Variants in MID1 observed in about 807,000 individuals in gnomAD.
MID1 encodes the protein E3 ubiquitin-protein ligase Midline-1.
MID1 carries 7 observed loss-of-function variants against 40.4 expected under a neutral mutation model. That is an observed-to-expected ratio of 0.17 (90% confidence interval 0.10 to 0.33). MID1 has a LOEUF of 0.33. Among genes scored for constraint, MID1 ranks in the 10% least tolerant of loss-of-function variants. The probability of loss-of-function intolerance (pLI) is 1.00; values close to 1 mark genes in which losing one functional copy is unlikely to be tolerated. For missense variants in MID1, 367 were observed against 558.5 expected (o/e 0.66, Z 3.46); for synonymous variants, 229 against 221.2 (o/e 1.04, Z -0.31).
At chrX:10,466,570 C>T (rs1929398970) in intron 7 of MID1, among the ~76,000 whole-genome samples, 1 of 111,621 alleles carries the variant, frequency 9.0e-6, no homozygotes, top group African/African-American at 3.3e-5. Flanking sequence ...TCTTTCCTCA[C>T]TTCTACCCAC....
At chrX:10,790,291 C>A (rs1005369306) in intron 1 of MID1, among the ~76,000 whole-genome samples, 20 of 109,745 alleles carry the variant, frequency 1.8e-4, no homozygotes, top group Admixed American at 8.8e-4. Context: ...ACTATGGGTC[C>A]CACCACGCCC....
At chrX:10,712,931 G>C (rs1222603440) in intron 1 of MID1, among the ~76,000 whole-genome samples, 1 of 111,498 alleles carries the variant, frequency 9.0e-6, no homozygotes, top group East Asian at 2.8e-4. Flanking sequence ...CTGCCTCCCA[G>C]GTTCAAGCGA....
intron 1 of MID1, among the ~76,000 whole-genome samples, chrX:10,720,784 A>G (rs2043346254): frequency 9.1e-6 from 1 of 110,487 alleles, no homozygotes; most frequent in Non-Finnish European, 1.9e-5. Flanking sequence ...AATAGCAAAG[A>G]CTTGGAACCA....
At chrX:10,454,685 GGTT>G (rs952169542) in intron 9 of MID1, among the ~76,000 whole-genome samples, 182 bp downstream of exon 9, 6 of 111,873 alleles carry the variant, frequency 5.4e-5, no homozygotes, top group African/African-American at 9.7e-5. Context: ...AGTAATATAT[GGTT>G]GTTGTTTGAA....
chrX:10,785,071 C>A (rs757254386), intron 1 of MID1, among the ~76,000 whole-genome samples: 5 of 111,198 alleles, frequency 4.5e-5, no homozygotes, highest in Middle Eastern at 4.6e-3. Context: ...AAAACCCCAT[C>A]GTCTCAGCCC....
chrX:10,660,278 T>G (rs1045169924), intron 1 of MID1, among the ~76,000 whole-genome samples: 6 of 112,777 alleles, frequency 5.3e-5, no homozygotes, highest in African/African-American at 1.9e-4. Flanking sequence ...CTGTGCCACA[T>G]TCTGAAACTG....
At chrX:10,780,747 G>A (rs971203681) in intron 1 of MID1, among the ~76,000 whole-genome samples, 3 of 111,781 alleles carry the variant, frequency 2.7e-5, no homozygotes, top group Non-Finnish European at 5.6e-5. Flanking sequence ...AAACTTCTTG[G>A]CACCAGGGAC....
intron 1 of MID1, among the ~76,000 whole-genome samples, chrX:10,737,542 G>A (rs1299801571): frequency 7.4e-5 from 8 of 107,886 alleles, no homozygotes; most frequent in South Asian, 4.5e-4. Context: ...TGGCACCTCC[G>A]TAGTATTCAC....
intron 2 of MID1, among the ~76,000 whole-genome samples, chrX:10,530,516 ATACT>A (rs1228780262): frequency 8.9e-6 from 1 of 112,650 alleles, no homozygotes; most frequent in Non-Finnish European, 1.9e-5. Context: ...GCTTCCTTAC[ATACT>A]TTATGCAAAA....
chrX:10,699,195 G>A (rs1422815764), intron 1 of MID1, among the ~76,000 whole-genome samples: 1 of 111,445 alleles, frequency 9.0e-6, no homozygotes, highest in Non-Finnish European at 1.9e-5. Context: ...GAATCTAAGA[G>A]GTTAGAGGAA....
intron 1 of MID1, among the ~76,000 whole-genome samples, chrX:10,583,838 C>T (rs2147496137): frequency 9.0e-6 from 1 of 110,744 alleles, no homozygotes; most frequent in Non-Finnish European, 1.9e-5. Context: ...CAAGACCAGC[C>T]TGGCCAAGAT....
At chrX:10,605,466 G>A (rs1480395426) in intron 1 of MID1, among the ~76,000 whole-genome samples, 1 of 111,366 alleles carries the variant, frequency 9.0e-6, no homozygotes, top group Non-Finnish European at 1.9e-5. Flanking sequence ...CTCTAAGAAG[G>A]GTGATTTTAG....
At chrX:10,797,893 A>G (rs1033628247) in intron 1 of MID1, among the ~76,000 whole-genome samples, 1 of 111,615 alleles carries the variant, frequency 9.0e-6, no homozygotes, top group African/African-American at 3.3e-5. Context: ...TCTTCTCCAG[A>G]CTTTGCCCAT....
chrX:10,542,551 G>C (rs1933513429), intron 2 of MID1, among the ~76,000 whole-genome samples: 1 of 112,032 alleles, frequency 8.9e-6, no homozygotes, highest in African/African-American at 3.2e-5. Context: ...AACCTTTACT[G>C]TTCTAAATAC....
At chrX:10,678,508 T>C (rs1167669445) in intron 1 of MID1, among the ~76,000 whole-genome samples, 2 of 112,525 alleles carry the variant, frequency 1.8e-5, no homozygotes, top group African/African-American at 6.5e-5. Flanking sequence ...ATCTAGAAGA[T>C]ATTTATGTCT....
intron 2 of MID1, among the ~76,000 whole-genome samples, chrX:10,548,573 CAT>C (rs1386543012): frequency 8.9e-6 from 1 of 111,841 alleles, no homozygotes; most frequent in East Asian, 2.8e-4. Context: ...CTCTGAAAAA[CAT>C]AGATACGAAG....
At chrX:10,657,212 G>A (rs2042880706) in intron 1 of MID1, among the ~76,000 whole-genome samples, 1 of 111,044 alleles carries the variant, frequency 9.0e-6, no homozygotes, top group African/African-American at 3.3e-5. Flanking sequence ...ATAAGATTAA[G>A]CTTCAGTGCC....
chrX:10,664,808 T>C (rs1365953883), intron 1 of MID1, among the ~76,000 whole-genome samples: 1 of 112,138 alleles, frequency 8.9e-6, no homozygotes, highest in Non-Finnish European at 1.9e-5. Flanking sequence ...TTGCACACAC[T>C]TCTGGGTCTG....
In MID1 at chrX:10,469,397, T is replaced by C. The variant is rs927562170; in HGVS notation, c.1285+300A>G. 4.9e-6 allele frequency: 5 copies of C among 1,028,734 alleles called. No homozygotes were observed. The African/African-American group carries it at 9.6e-5, about 20-fold the overall frequency. 84.8% of individuals were successfully genotyped at this position (1,028,734 alleles called of 1,213,427 possible). A position where few individuals can be genotyped will look rare whatever the true frequency, so the allele number is the denominator to read the frequency against. ...TGGATTAATACTATATATATATATT[T>C]GTTTCTCTCTCTATGTATCTCTCTA... is the stretch of plus-strand genomic sequence containing the variant. On this transcript the variant is annotated intron_variant, in intron 7 of 9. Transcript: ENST00000317552.
Sources: gnomAD v4.1 joint callset for allele counts (sites outside exome capture counted in the v4.1 genomes callset) on GRCh38, gnomAD v4.1.1 for gene constraint, MANE v1.5 for transcripts, NCBI Gene and HGNC (gene_info 2026-07-23, HGNC 2026-07-21) for gene names.